The following NDUFB5 variants were observed in gnomAD, a reference collection of about 807,000 sequenced individuals.
The protein encoded by NDUFB5 is NADH dehydrogenase [ubiquinone] 1 beta subcomplex subunit 5, mitochondrial.
NDUFB5 carries 19 observed loss-of-function variants against 19.4 expected under a neutral mutation model. The observed-to-expected ratio is 0.98, with a 90% confidence interval of 0.68 to 1.43. NDUFB5 has a LOEUF of 1.43. Among genes scored for constraint, NDUFB5 ranks in the 40% most tolerant of loss-of-function variants. The pLI is 0.00. For missense variants in NDUFB5, 233 were observed against 236.5 expected (o/e 0.99, Z 0.10); for synonymous variants, 80 against 82.6 (o/e 0.97, Z 0.17).
chr3:179,619,588 T>A (rs1292999394), intron 5 of NDUFB5, among the ~76,000 whole-genome samples: 1 of 152,226 alleles, frequency 6.6e-6, no homozygotes, highest in Non-Finnish European at 1.5e-5. Flanking sequence ...ATTTTCTTAA[T>A]CCAGTCTATC....
Position 179,624,172 on chromosome 3 carries a change from T to C in NDUFB5, c.*132T>C. 3.7e-6 allele frequency: 3 copies of C among 804,462 alleles called. No individual in the cohort carries two copies. The highest frequency in any genetic ancestry group is 5.4e-6 in the Non-Finnish European group (3 of 555,358). 49.8% of individuals were successfully genotyped at this position (804,462 alleles called of 1,614,324 possible). Reference sequence around the variant, plus strand: ...TACTGTCTCTCAGTGTTGGTTCAGATTGAGGCTTTTGTTTGAGGAGTTTGG... The same window carrying C: ...TACTGTCTCTCAGTGTTGGTTCAGACTGAGGCTTTTGTTTGAGGAGTTTGG... On this transcript the variant is annotated 3_prime_UTR_variant, in exon 6 of 6. Coordinates refer to ENST00000259037, the MANE Select transcript of NDUFB5 (RefSeq NM_002492.4).
At chr3:179,619,661 G>C (rs1719476901) in intron 5 of NDUFB5, among the ~76,000 whole-genome samples, 3 of 152,176 alleles carry the variant, frequency 2.0e-5, no homozygotes, top group Non-Finnish European at 4.4e-5. Flanking sequence ...GTAAACATAT[G>C]TGTGCATGTG....
rs987585347 is a variant in NDUFB5, at chr3:179,624,314, T to C, written c.*274T>C. 3.8e-6 allele frequency: 1 copy of C among 263,828 alleles called. No homozygotes were observed. The allele number at this position is 263,828 out of a possible 1,614,324, so 16.3% of individuals were successfully genotyped here. ...GTTAGTGTTTTATTTACCTGACAAA[T>C]GGAAGTTATAGAAGTCTAATAATGT... On this transcript the variant is annotated 3_prime_UTR_variant, in exon 6 of 6. Coordinates refer to ENST00000259037, the MANE Select transcript of NDUFB5 (RefSeq NM_002492.4).
rs757736171 is a variant in NDUFB5, at chr3:179,615,043, G to A, written c.197G>A (p.Arg66His). The A allele has an allele frequency of 1.2e-5, 19 of 1,604,674 alleles. No individual in the cohort carries two copies. Among genetic ancestry groups the A allele is most frequent in the African/African-American group, 6.7e-5 (5 of 74,904 alleles). The change falls in exon 2 of 6, where the codon CGT (arginine) becomes CAT (histidine). Residue 66 changes from arginine (R) to histidine (H), a missense_variant. Arg to His is a conservative substitution (Grantham distance 29, BLOSUM62 0). Coordinates refer to ENST00000259037, the MANE Select transcript of NDUFB5 (RefSeq NM_002492.4). ...VIRPSRFYDR[R>H]FLKLLRFYIA... is the part of the protein sequence containing the mutation. ...AGACCTTCTAGATTCTATGACAGGCGTTTTTTGAAGTTATTGGTAAGTTTA... is the reference window on the plus strand; with the variant it reads ...AGACCTTCTAGATTCTATGACAGGCATTTTTTGAAGTTATTGGTAAGTTTA...
At chr3:179,622,510 A>G (rs1456037036) in intron 5 of NDUFB5, among the ~76,000 whole-genome samples, 2 of 152,202 alleles carry the variant, frequency 1.3e-5, no homozygotes, top group Non-Finnish European at 2.9e-5. Flanking sequence ...TTTTAAAAAC[A>G]TAACAGTATA....
intron 1 of NDUFB5, 122 bp from the exon 2 acceptor site, chr3:179,614,849 A>T: frequency 1.6e-6 from 1 of 618,822 alleles, no homozygotes; most frequent in Non-Finnish European, 2.6e-6. Flanking sequence ...GTGAAAACCC[A>T]GTCATCCTGC....
chr3:179,622,887 T>C (rs1374713585), intron 5 of NDUFB5, among the ~76,000 whole-genome samples: 6 of 152,068 alleles, frequency 3.9e-5, no homozygotes, highest in Non-Finnish European at 8.8e-5. Flanking sequence ...ACTTCAGGAA[T>C]GTGTGATTGT....
chr3:179,615,264 A>G, intron 2 of NDUFB5: 1 of 357,474 alleles, frequency 2.8e-6, no homozygotes, highest in Non-Finnish European at 5.2e-6. Flanking sequence ...TCACAAAAGG[A>G]TTTACACTAA....
intron 1 of NDUFB5, among the ~76,000 whole-genome samples, chr3:179,612,485 T>TG (rs1719268805): frequency 2.0e-5 from 3 of 149,202 alleles, no homozygotes; most frequent in East Asian, 2.0e-4. Flanking sequence ...CTTTTTTTTT[T>TG]TTTTTTTTTT....
At position 179,624,183 on chromosome 3, in the gene NDUFB5, G is replaced by A. The variant is rs1719609763; in HGVS notation, c.*143G>A. 5 of 679,768 alleles carry A rather than the reference G, an allele frequency of 7.4e-6. No homozygotes were observed. In the South Asian group the frequency reaches 1.6e-4, roughly 22 times the overall value. 42.1% of individuals were successfully genotyped at this position (679,768 alleles called of 1,614,324 possible). ...AGTGTTGGTTCAGATTGAGGCTTTT[G>A]TTTGAGGAGTTTGGCTTCCAGTCCC... On this transcript the variant is annotated 3_prime_UTR_variant, in exon 6 of 6. Coordinates refer to ENST00000259037, the MANE Select transcript of NDUFB5 (RefSeq NM_002492.4).
At chr3:179,608,805 G>C (rs1362019226) in intron 1 of NDUFB5, among the ~76,000 whole-genome samples, 1 of 152,140 alleles carries the variant, frequency 6.6e-6, no homozygotes, top group East Asian at 1.9e-4. Context: ...CAGACCTCCA[G>C]TCAACTTGTT....
Position 179,623,941 on chromosome 3 carries a change from A to G in NDUFB5, c.471A>G (p.Arg157=). ...ACAGGGTAAAGGAGCTGGAAGTGCG[A>G]AAATTGATGCATGTGAGAGGAGATG... ...AELRVKELEV[R]KLMHVRGDGP... Residue 157 remains arginine, a synonymous_variant, in exon 6 of 6, where the codon CGA becomes CGG. Coordinates refer to ENST00000259037, the MANE Select transcript of NDUFB5 (RefSeq NM_002492.4). 6.2e-7 allele frequency: 1 copy of G among 1,613,870 alleles called. No homozygotes were observed. Among genetic ancestry groups the G allele is most frequent in the East Asian group, 2.2e-5 (1 of 44,844 alleles).
chr3:179,605,083 G>C, intron 1 of NDUFB5, 144 bp downstream of exon 1: 2 of 1,229,440 alleles, frequency 1.6e-6, no homozygotes, highest in South Asian at 3.7e-5. Flanking sequence ...CGGAGCACGA[G>C]CTATATGAGG....
intron 5 of NDUFB5, among the ~76,000 whole-genome samples, chr3:179,620,860 G>A (rs1325065977): frequency 1.3e-5 from 2 of 152,116 alleles, no homozygotes; most frequent in East Asian, 3.8e-4. Context: ...TAAACTTTGG[G>A]TAGATATTGC....
chr3:179,609,216 G>C (rs1719178357), intron 1 of NDUFB5, among the ~76,000 whole-genome samples: 1 of 152,178 alleles, frequency 6.6e-6, no homozygotes, highest in Non-Finnish European at 1.5e-5. Context: ...CAATTCTTAT[G>C]GGTATATCTG....
intron 5 of NDUFB5, among the ~76,000 whole-genome samples, chr3:179,622,323 T>G (rs891449488): frequency 3.3e-5 from 5 of 151,954 alleles, no homozygotes; most frequent in Admixed American, 6.6e-5. Flanking sequence ...TTTTGTTTTT[T>G]TTTTATTTGA....
At chr3:179,615,767 C>T (rs543907818) in intron 2 of NDUFB5, 3 of 590,140 alleles carry the variant, frequency 5.1e-6, no homozygotes, top group Non-Finnish European at 9.0e-6. Flanking sequence ...TAGAAATCAC[C>T]CTGATGCTTT....
intron 5 of NDUFB5, among the ~76,000 whole-genome samples, chr3:179,622,498 C>T (rs1391850507): frequency 1.3e-5 from 2 of 152,064 alleles, no homozygotes; most frequent in South Asian, 2.1e-4. Context: ...TTATACCTTG[C>T]TTTTTAAAAA....
intron 5 of NDUFB5, among the ~76,000 whole-genome samples, chr3:179,620,711 C>T (rs1348212365): frequency 1.3e-5 from 2 of 152,194 alleles, no homozygotes; most frequent in East Asian, 3.9e-4. Flanking sequence ...ATTGCTGGTA[C>T]TTGGGTTCTT....
Sources: allele counts gnomAD v4.1 joint callset (sites outside exome capture counted in the v4.1 genomes callset), GRCh38; gene constraint gnomAD v4.1.1; transcripts MANE v1.5; gene names NCBI Gene and HGNC (gene_info 2026-07-23, HGNC 2026-07-21).